CEP170: variants seen among roughly 807,000 people sequenced by gnomAD.
The protein encoded by CEP170 is centrosomal protein 170, also known as centrosomal protein of 170 kDa.
CEP170 carries 21 observed loss-of-function variants against 151.9 expected under a neutral mutation model. That is an observed-to-expected ratio of 0.14 (90% CI 0.10 to 0.20). CEP170 has a LOEUF of 0.20. Among genes scored for constraint, CEP170 ranks in the 10% least tolerant of loss-of-function variants. The pLI, the probability that CEP170 is intolerant of heterozygous loss-of-function variation, is 1.00. For missense variants in CEP170, 964 were observed against 1,892.9 expected (o/e 0.51, Z 9.11); for synonymous variants, 356 against 648.8 (o/e 0.55, Z 6.86).
chr1:243,144,882 T>C (rs2056282807), intron 14 of CEP170, among the ~76,000 whole-genome samples: 1 of 152,210 alleles, frequency 6.6e-6, no homozygotes, highest in African/African-American at 2.4e-5. Flanking sequence ...GCATTAGTCC[T>C]AGTCTTTATG....
At chr1:243,216,326 A>G (rs1259620012) in intron 3 of CEP170, among the ~76,000 whole-genome samples, 1 of 151,980 alleles carries the variant, frequency 6.6e-6, no homozygotes, top group East Asian at 1.9e-4. Flanking sequence ...AGCATTAGGT[A>G]TATCTCCTAA....
chr1:243,177,139 C>A (rs2059308676), intron 10 of CEP170, among the ~76,000 whole-genome samples: 2 of 152,072 alleles, frequency 1.3e-5, no homozygotes, highest in Middle Eastern at 3.4e-3. Flanking sequence ...GCAGAGAGGT[C>A]AAAATTTACA....
At chr1:243,210,072 T>C (rs1315202418) in intron 4 of CEP170, among the ~76,000 whole-genome samples, 2 of 152,306 alleles carry the variant, frequency 1.3e-5, no homozygotes, top group Non-Finnish European at 2.9e-5. Context: ...CAACACTAAG[T>C]GCACAACTCT....
In CEP170 at chr1:243,185,189, G is replaced by T. The variant is rs2059866401; in HGVS notation, c.1566+590C>A. 6.6e-6 allele frequency among the ~76,000 whole-genome samples: 1 copy of T among 152,112 alleles called. No homozygotes were observed. On this transcript the variant is annotated intron_variant, in intron 10 of 19. Coordinates refer to ENST00000366542, the MANE Select transcript of CEP170 (RefSeq NM_014812.3). The surrounding 1 kb of genome is among the most constrained non-coding windows in gnomAD (Gnocchi z 4.9). ...ATCAAAGAATACACTTGAAATGTAG[G>T]TAACTATCACGACTGGTCATATACG...
chr1:243,209,683 T>C (rs1159300938), intron 4 of CEP170, among the ~76,000 whole-genome samples: 3 of 151,464 alleles, frequency 2.0e-5, no homozygotes, highest in Non-Finnish European at 4.4e-5. Flanking sequence ...CTATAACAGA[T>C]GGTTTTTTTT....
chr1:243,223,503 G>GA (rs2062984452), intron 2 of CEP170, among the ~76,000 whole-genome samples: 1 of 152,208 alleles, frequency 6.6e-6, no homozygotes, highest in African/African-American at 2.4e-5. Flanking sequence ...TTCACTAAGT[G>GA]AACAACTTGT....
intron 7 of CEP170, among the ~76,000 whole-genome samples, chr1:243,196,203 T>C (rs1295823313): frequency 6.6e-6 from 1 of 151,964 alleles, no homozygotes; most frequent in Admixed American, 6.6e-5. Flanking sequence ...CCTTTTAGAG[T>C]GATTGTGTTT....
intron 1 of CEP170, 28 bp from the exon 2 acceptor site, chr1:243,225,349 C>T (rs781361980): frequency 4.5e-5 from 41 of 915,900 alleles, no homozygotes; most frequent in East Asian, 4.1e-4. Flanking sequence ...GAAAAATATA[C>T]GTTCAGATAT....
intron 3 of CEP170, among the ~76,000 whole-genome samples, chr1:243,213,616 G>GA (rs989037840): frequency 1.8e-4 from 27 of 150,500 alleles, no homozygotes; most frequent in Middle Eastern, 3.4e-3. Flanking sequence ...ATGTGTCCAT[G>GA]AAAAAAAAAG....
At chr1:243,170,089 T>TA (rs2058720488) in intron 11 of CEP170, among the ~76,000 whole-genome samples, 1 of 152,152 alleles carries the variant, frequency 6.6e-6, no homozygotes, top group Non-Finnish European at 1.5e-5. Flanking sequence ...AATATTTTAT[T>TA]AAGAGTGTCA....
chr1:243,155,933 G>A (rs1433151957), intron 14 of CEP170, among the ~76,000 whole-genome samples: 1 of 151,736 alleles, frequency 6.6e-6, no homozygotes, highest in African/African-American at 2.4e-5. Flanking sequence ...ACCTTTCAAA[G>A]TTTCACTTAC....
At chr1:243,218,198 TCTCTA>T (rs1353520285) in intron 3 of CEP170, among the ~76,000 whole-genome samples, 4 of 152,138 alleles carry the variant, frequency 2.6e-5, no homozygotes, top group Admixed American at 1.3e-4. Context: ...TGAAGACCAT[TCTCTA>T]CTCTATACCA....
At chr1:243,143,955 A>G (rs1205204615) in intron 14 of CEP170, among the ~76,000 whole-genome samples, 1 of 152,230 alleles carries the variant, frequency 6.6e-6, no homozygotes, top group East Asian at 1.9e-4. Flanking sequence ...AAGGGAACTA[A>G]GTTGAAGTTT....
rs1008295127 is a variant in CEP170, at chr1:243,206,383, T to C, written c.274+5503A>G. On this transcript the variant is annotated intron_variant, in intron 4 of 19. Transcript: ENST00000366542. Reference sequence around the variant, plus strand: ...TCCCAACTTCATGATCCGCTTGCCTTCAGCCTCCCAAAGTGCTGGGATTAT... The same window carrying C: ...TCCCAACTTCATGATCCGCTTGCCTCCAGCCTCCCAAAGTGCTGGGATTAT... Among the ~76,000 whole-genome samples the C allele has an allele frequency of 5.9e-3, 5 of 852 alleles. No individual in the cohort carries two copies. The Non-Finnish European group carries it at 0.19, about 33-fold the overall frequency. The allele number at this position is 852 out of a possible 152,430, so 0.6% of individuals were successfully genotyped here. A position where few individuals can be genotyped will look rare whatever the true frequency, so the allele number is the denominator to read the frequency against.
chr1:243,238,587 T>C (rs1288440467), intron 1 of CEP170, among the ~76,000 whole-genome samples: 2 of 152,226 alleles, frequency 1.3e-5, no homozygotes, highest in Admixed American at 6.5e-5. Context: ...ACCCAAAACC[T>C]AATGGTAGAT....
Position 243,248,395 on chromosome 1 carries a change from T to A in CEP170, c.-42+6645A>T, listed in dbSNP as rs117904902. Among the ~76,000 whole-genome samples, 46 of 152,310 alleles carry A rather than the reference T, an allele frequency of 3.0e-4. No homozygotes were observed. In the East Asian group the frequency reaches 8.7e-3, roughly 29 times the overall value. On this transcript the variant is annotated intron_variant, in intron 1 of 19. Coordinates refer to ENST00000366542, the MANE Select transcript of CEP170 (RefSeq NM_014812.3). ...CAGCTTTCCATGTGGAAAGTACCAA[T>A]TCTCAATTCTTGGATCTCTTCTCAG...
intron 1 of CEP170, among the ~76,000 whole-genome samples, chr1:243,242,372 C>A (rs2064936497): frequency 6.6e-6 from 1 of 152,042 alleles, no homozygotes; most frequent in Non-Finnish European, 1.5e-5. Flanking sequence ...GCGCCCGCCA[C>A]CACGCCCGGC....
At chr1:243,146,344 A>G (rs1341512401) in intron 14 of CEP170, among the ~76,000 whole-genome samples, 2 of 152,210 alleles carry the variant, frequency 1.3e-5, no homozygotes, top group African/African-American at 2.4e-5. Context: ...CGAAGAACGC[A>G]GAAGAGATTA....
At position 243,211,986 on chromosome 1, in the gene CEP170, T is replaced by C. The variant is rs752061101; in HGVS notation, c.196-22A>G. ...AAGTCTACAAGGAAACAAAAAAAGA[T>C]GTTAGGTTACGTATGAGGTATTAAT... is the stretch of plus-strand genomic sequence containing the variant. On this transcript the variant is annotated intron_variant, in intron 3 of 19. Transcript: ENST00000366542. The C allele has an allele frequency of 7.5e-6, 11 of 1,472,538 alleles. No homozygotes were observed. In the South Asian group the frequency reaches 1.0e-4, roughly 14 times the overall value. 91.2% of individuals were successfully genotyped at this position (1,472,538 alleles called of 1,614,324 possible).
Sources: allele counts gnomAD v4.1 joint callset (sites outside exome capture counted in the v4.1 genomes callset), GRCh38; gene constraint gnomAD v4.1.1; non-coding constraint Gnocchi (gnomAD v3.1); transcripts MANE v1.5; gene names NCBI Gene and HGNC (gene_info 2026-07-23, HGNC 2026-07-21).